Variants in MAN2A1 observed in about 807,000 individuals in gnomAD.
MAN2A1 encodes the protein alpha-mannosidase 2.
In MAN2A1, 76 loss-of-function variants were observed where a neutral mutation model predicts 142.6. The observed-to-expected ratio is 0.53, with a 90% CI of 0.44 to 0.65. MAN2A1 has a LOEUF of 0.65. Among genes scored for constraint, MAN2A1 ranks in the 30% least tolerant of loss-of-function variants. The probability of loss-of-function intolerance (pLI) is 0.00; values close to 1 mark genes in which losing one functional copy is unlikely to be tolerated. For synonymous variants in MAN2A1, 559 were observed against 473.2 expected (o/e 1.18, Z -2.35); for missense variants, 1,311 against 1,365.1 (o/e 0.96, Z 0.62).
intron 1 of MAN2A1, among the ~76,000 whole-genome samples, chr5:109,708,807 G>A (rs969043139): frequency 2.0e-5 from 3 of 152,150 alleles, no homozygotes; most frequent in African/African-American, 7.2e-5. Flanking sequence ...TGGCAGGAGA[G>A]GAAAAGCGGC....
At chr5:109,788,071 A>C (rs1582897613) in intron 10 of MAN2A1, among the ~76,000 whole-genome samples, 1 of 151,776 alleles carries the variant, frequency 6.6e-6, no homozygotes, top group East Asian at 1.9e-4. Context: ...AAATGTCTTC[A>C]AGGCATAGAT....
At chr5:109,767,926 G>T (rs1402343127) in intron 6 of MAN2A1, among the ~76,000 whole-genome samples, 1 of 152,094 alleles carries the variant, frequency 6.6e-6, no homozygotes, top group African/African-American at 2.4e-5. Context: ...ATCTTTTTAT[G>T]TTTAAAGAAA....
At chr5:109,853,161 A>G (rs1755526170) in intron 19 of MAN2A1, among the ~76,000 whole-genome samples, 1 of 152,222 alleles carries the variant, frequency 6.6e-6, no homozygotes, top group South Asian at 2.1e-4. Context: ...ATGCAAAGGT[A>G]GTTAAAAGGT....
At chr5:109,774,694 G>A in intron 7 of MAN2A1, 94 bp from the exon 8 acceptor site, 1 of 868,484 alleles carries the variant, frequency 1.2e-6, no homozygotes, top group Non-Finnish European at 1.8e-6. Context: ...ATGTACTTTT[G>A]AATTTGGTTA....
At chr5:109,805,659 A>G (rs1026017972) in intron 12 of MAN2A1, among the ~76,000 whole-genome samples, 18 of 152,170 alleles carry the variant, frequency 1.2e-4, no homozygotes, top group Non-Finnish European at 4.4e-5. Flanking sequence ...ACCAGCTCAT[A>G]TTTTTGGAAC....
Position 109,691,324 on chromosome 5 carries a change from G to C in MAN2A1, c.135+772G>C, listed in dbSNP as rs559990381. 2.0e-5 allele frequency among the ~76,000 whole-genome samples: 3 copies of C among 152,312 alleles called. No homozygotes were observed. The East Asian group carries it at 5.8e-4, about 29-fold the overall frequency. On this transcript the variant is annotated intron_variant, in intron 1 of 21. Coordinates refer to ENST00000261483, the MANE Select transcript of MAN2A1 (RefSeq NM_002372.4). ...CGGACACAGTCTGTTCCCTTTGGAA[G>C]GGTATCCACCGCGCGGCATGTGCGA...
intron 12 of MAN2A1, among the ~76,000 whole-genome samples, chr5:109,796,028 G>T (rs1561516264): frequency 6.6e-6 from 1 of 152,102 alleles, no homozygotes; most frequent in African/African-American, 2.4e-5. Context: ...TCCTAAACAA[G>T]TTGTTGTTAT....
intron 9 of MAN2A1, among the ~76,000 whole-genome samples, chr5:109,783,906 C>G (rs1753528184): frequency 2.0e-5 from 3 of 151,920 alleles, no homozygotes; most frequent in Non-Finnish European, 4.4e-5. Context: ...TGCTCTGTTG[C>G]CCAGGCTGGA....
At chr5:109,716,385 A>G (rs17638392) in intron 3 of MAN2A1, 121 bp downstream of exon 3, 150,345 of 708,654 alleles carry the variant, frequency 0.21, 21,163 homozygotes, top group East Asian at 0.64. Context: ...CTGACTTTTA[A>G]CATTAATATA....
chr5:109,751,683 A>C (rs1752552717), intron 4 of MAN2A1, among the ~76,000 whole-genome samples: 1 of 151,960 alleles, frequency 6.6e-6, no homozygotes, highest in Non-Finnish European at 1.5e-5. Context: ...AGTCACAGTT[A>C]TGGTAGCTTT....
Position 109,855,357 on chromosome 5 carries a change from TA to T in MAN2A1, c.3171+29del, listed in dbSNP as rs534121828. Reference sequence around the variant, plus strand: ...AAGGTATGTCTCAAAATATATCTTATAAAAAATTACTGTTTATTATGTACTT... The same window carrying T: ...AAGGTATGTCTCAAAATATATCTTATAAAAATTACTGTTTATTATGTACTT... On this transcript the variant is annotated intron_variant, in intron 20 of 21. Transcript: ENST00000261483. 6.7e-3 allele frequency: 9,589 copies of T among 1,433,760 alleles called. 46 individuals carry two copies. Among genetic ancestry groups the T allele is most frequent in the Non-Finnish European group, 8.2e-3 (8,894 of 1,079,300 alleles). 88.8% of individuals were successfully genotyped at this position (1,433,760 alleles called of 1,614,324 possible).
chr5:109,833,980 C>T (rs1414524873), intron 16 of MAN2A1, among the ~76,000 whole-genome samples: 1 of 152,054 alleles, frequency 6.6e-6, no homozygotes, highest in African/African-American at 2.4e-5. Flanking sequence ...TGTTCAGTAC[C>T]CACTAAAGAA....
chr5:109,813,016 TA>T (rs1389107635), intron 12 of MAN2A1, among the ~76,000 whole-genome samples: 2 of 152,210 alleles, frequency 1.3e-5, no homozygotes, highest in African/African-American at 4.8e-5. Flanking sequence ...TGTATTTTTT[TA>T]ATCTTCATTA....
At chr5:109,797,986 T>A (rs1360799151) in intron 12 of MAN2A1, among the ~76,000 whole-genome samples, 1 of 152,222 alleles carries the variant, frequency 6.6e-6, no homozygotes, top group African/African-American at 2.4e-5. Flanking sequence ...AAAGAAATTT[T>A]AAAAATTTCT....
chr5:109,755,284 T>G, intron 4 of MAN2A1, 45 bp from the exon 5 acceptor site: 1 of 1,490,336 alleles, frequency 6.7e-7, no homozygotes, highest in Middle Eastern at 1.8e-4. Context: ...CATTTGAACT[T>G]TTCTTAACAT....
chr5:109,710,511 T>G (rs1291210254), intron 1 of MAN2A1, among the ~76,000 whole-genome samples: 1 of 148,390 alleles, frequency 6.7e-6, no homozygotes, highest in South Asian at 2.1e-4. Context: ...AATGTGGTAT[T>G]TTTTTTTTTT....
At chr5:109,740,755 C>T (rs1752246384) in intron 4 of MAN2A1, among the ~76,000 whole-genome samples, 1 of 152,144 alleles carries the variant, frequency 6.6e-6, no homozygotes, top group Non-Finnish European at 1.5e-5. Flanking sequence ...GGATTCCATG[C>T]TGATTTTTCA....
chr5:109,823,170 T>G (rs1167054573), intron 15 of MAN2A1, among the ~76,000 whole-genome samples: 1 of 152,238 alleles, frequency 6.6e-6, no homozygotes, highest in East Asian at 1.9e-4. Context: ...GGTTTCCAAG[T>G]AGTTTTTTCA....
At chr5:109,754,702 A>G (rs952924008) in intron 4 of MAN2A1, among the ~76,000 whole-genome samples, 5 of 152,220 alleles carry the variant, frequency 3.3e-5, no homozygotes, top group African/African-American at 1.2e-4. Context: ...TGCAAGATTC[A>G]GAAATAAACT....
Sources: gnomAD v4.1 joint callset for allele counts (sites outside exome capture counted in the v4.1 genomes callset) on GRCh38, gnomAD v4.1.1 for gene constraint, MANE v1.5 for transcripts, NCBI Gene and HGNC (gene_info 2026-07-23, HGNC 2026-07-21) for gene names.